Variants in SYT16 observed in about 807,000 individuals in gnomAD.
SYT16 encodes the protein synaptotagmin-16.
A neutral mutation model predicts 61.4 loss-of-function variants in SYT16; 42 were observed. The observed-to-expected ratio is 0.68, with a 90% CI of 0.53 to 0.89. SYT16 has a LOEUF of 0.89. Ranked by LOEUF, SYT16 falls within the 40% of genes least tolerant of loss-of-function variation. The pLI is 0.00. For synonymous variants in SYT16, 314 were observed against 302.3 expected (o/e 1.04, Z -0.40); for missense variants, 804 against 807.3 (o/e 1.00, Z 0.05).
At chr14:62,015,287 A>C (rs2053625577) in intron 3 of SYT16, among the ~76,000 whole-genome samples, 1 of 151,828 alleles carries the variant, frequency 6.6e-6, no homozygotes, top group Non-Finnish European at 1.5e-5. Context: ...TCATTAACAA[A>C]AAAAAAAATG....
chr14:62,060,058 C>T (rs1379450139), intron 3 of SYT16, among the ~76,000 whole-genome samples: 1 of 151,926 alleles, frequency 6.6e-6, no homozygotes, highest in African/African-American at 2.4e-5. Context: ...AGGTGGGTCC[C>T]CCTACTTTGC....
intron 1 of SYT16, among the ~76,000 whole-genome samples, chr14:61,856,907 G>A (rs923505089): frequency 2.0e-5 from 3 of 152,134 alleles, no homozygotes; most frequent in Admixed American, 6.5e-5. Context: ...GGAAACACAC[G>A]ATATTTAATA....
chr14:61,954,387 G>T (rs772449512), intron 1 of SYT16, among the ~76,000 whole-genome samples: 3 of 149,532 alleles, frequency 2.0e-5, no homozygotes, highest in Non-Finnish European at 4.4e-5. Flanking sequence ...ACATGCTGAA[G>T]CATCTCTATT....
chr14:61,924,829 C>G (rs977182401), intron 1 of SYT16, among the ~76,000 whole-genome samples: 2 of 152,146 alleles, frequency 1.3e-5, no homozygotes, highest in African/African-American at 2.4e-5. Flanking sequence ...ACAGACAACC[C>G]CAAATTATGG....
At chr14:62,043,813 A>G (rs12435629) in intron 3 of SYT16, among the ~76,000 whole-genome samples, 63,682 of 151,964 alleles carry the variant, frequency 0.42, 14,774 homozygotes, top group African/African-American at 0.63. Flanking sequence ...AGACTTTCAT[A>G]ATACTTAAAC....
At position 62,104,264 on chromosome 14, in the gene SYT16, G is replaced by A. The variant is rs1268954620; in HGVS notation, c.*3557G>A. ...AAGTAGGAAAGTATTATTTGTAAAT[G>A]TCATAAAACCAGATGGAGGCATATT... On this transcript the variant is annotated 3_prime_UTR_variant, in exon 8 of 8. Transcript: ENST00000683842. 2 of 152,202 alleles carry A rather than the reference G, an allele frequency of 1.3e-5. No homozygotes were observed. Among genetic ancestry groups the A allele is most frequent in the Non-Finnish European group, 2.9e-5 (2 of 68,030 alleles). The allele number at this position is 152,202 out of a possible 1,614,324, so 9.4% of individuals were successfully genotyped here. A position where few individuals can be genotyped will look rare whatever the true frequency, so the allele number is the denominator to read the frequency against.
intron 1 of SYT16, among the ~76,000 whole-genome samples, chr14:61,915,444 A>G (rs2049086055): frequency 6.6e-6 from 1 of 152,204 alleles, no homozygotes; most frequent in African/African-American, 2.4e-5. Context: ...TTGAATTTAT[A>G]AACATCGCAT....
intron 3 of SYT16, among the ~76,000 whole-genome samples, chr14:62,032,910 A>T (rs769415511): frequency 6.6e-6 from 1 of 152,028 alleles, no homozygotes; most frequent in Non-Finnish European, 1.5e-5. Context: ...GTATAAACCC[A>T]TCTGAATTGG....
At chr14:62,048,306 T>A (rs1199696337) in intron 3 of SYT16, among the ~76,000 whole-genome samples, 1 of 152,256 alleles carries the variant, frequency 6.6e-6, no homozygotes, top group East Asian at 1.9e-4. Context: ...TGTATTTCTG[T>A]GGGATCAGTG....
At chr14:61,817,128 A>T (rs1056443693) in intron 1 of SYT16, among the ~76,000 whole-genome samples, 1 of 151,690 alleles carries the variant, frequency 6.6e-6, no homozygotes, top group Non-Finnish European at 1.5e-5. Context: ...AACATTAACA[A>T]TAATGGGGCT....
In SYT16 at chr14:61,943,021, T is replaced by C. The variant is rs185900132; in HGVS notation, c.-324-27111T>C. ...AAGAAGAAAAGAGAGAAGAATCAAA[T>C]AGACACAATAAAAAATGATAAAGGG... is the stretch of plus-strand genomic sequence containing the variant. On this transcript the variant is annotated intron_variant, in intron 1 of 7. Coordinates refer to ENST00000683842, the MANE Select transcript of SYT16 (RefSeq NM_001367656.1). 2.3e-3 allele frequency among the ~76,000 whole-genome samples: 344 copies of C among 151,976 alleles called. 3 individuals carry two copies. Among genetic ancestry groups the C allele is most frequent in the Middle Eastern group, 0.017 (5 of 294 alleles).
At chr14:61,881,159 CTTTCTTAACATAATCACT>C (rs1314979061) in intron 1 of SYT16, among the ~76,000 whole-genome samples, 3 of 152,104 alleles carry the variant, frequency 2.0e-5, no homozygotes, top group African/African-American at 7.2e-5. Context: ...GCAAAGTTCC[CTTTCTTAACATAATCACT>C]TTCTCCCTTT....
intron 7 of SYT16, 96 bp from the exon 8 acceptor site, chr14:62,100,298 A>G: frequency 9.0e-7 from 1 of 1,112,656 alleles, no homozygotes; most frequent in Non-Finnish European, 1.3e-6. Flanking sequence ...GAAAGGAGAA[A>G]TTTGTAGCCC....
intron 1 of SYT16, among the ~76,000 whole-genome samples, chr14:61,887,102 G>T (rs2047938771): frequency 6.6e-6 from 1 of 152,108 alleles, no homozygotes; most frequent in Non-Finnish European, 1.5e-5. Flanking sequence ...TCAGTGGGCT[G>T]CAGAGTGGAT....
At chr14:61,873,151 G>T (rs1193255000) in intron 1 of SYT16, among the ~76,000 whole-genome samples, 6 of 152,172 alleles carry the variant, frequency 3.9e-5, no homozygotes, top group Non-Finnish European at 8.8e-5. Context: ...GGACCCATGA[G>T]TTATAAAAAC....
chr14:61,833,705 GCTT>G (rs2046019593), intron 1 of SYT16, among the ~76,000 whole-genome samples: 2 of 30,902 alleles, frequency 6.5e-5, no homozygotes, highest in African/African-American at 2.5e-4. Flanking sequence ...CCCAGCAGTG[GCTT>G]TTTTTTTTTT....
intron 3 of SYT16, among the ~76,000 whole-genome samples, chr14:62,020,388 G>A (rs1244449535): frequency 6.6e-6 from 1 of 152,028 alleles, no homozygotes; most frequent in Non-Finnish European, 1.5e-5. Context: ...GAAAGCACAT[G>A]TGATCCTACC....
Position 62,075,369 on chromosome 14 carries a change from GCTCCTCCATGTGGAGTCCAGAGGC to G in SYT16, c.972_993+2del. 6.2e-7 allele frequency: 1 copy of G among 1,613,112 alleles called. No homozygotes were observed. The highest frequency in any genetic ancestry group is 2.2e-5 in the East Asian group (1 of 44,840). ...TTTGAAGATTCCTATGCCACTGACAGCTCCTCCATGTGGAGTCCAGAGGCAAGTTATTTGTTTTTCATTCTTTCA... is the reference window on the plus strand; with the variant it reads ...TTTGAAGATTCCTATGCCACTGACAGAAGTTATTTGTTTTTCATTCTTTCA... On this transcript the variant is annotated splice_donor_variant and coding_sequence_variant, in exon 5 of 8. Coordinates refer to ENST00000683842, the MANE Select transcript of SYT16 (RefSeq NM_001367656.1). LOFTEE classifies it high-confidence loss of function.
At chr14:62,090,384 G>A (rs927299854) in intron 7 of SYT16, among the ~76,000 whole-genome samples, 1 of 152,128 alleles carries the variant, frequency 6.6e-6, no homozygotes, top group African/African-American at 2.4e-5. Flanking sequence ...AGAGACTAAA[G>A]GAAAGAAAAA....
Sources: gnomAD v4.1 joint callset for allele counts (sites outside exome capture counted in the v4.1 genomes callset) on GRCh38, gnomAD v4.1.1 for gene constraint, MANE v1.5 for transcripts, NCBI Gene and HGNC (gene_info 2026-07-23, HGNC 2026-07-21) for gene names.